The following SYN3 variants were observed in gnomAD, a reference collection of about 807,000 sequenced individuals.
SYN3 encodes synapsin-3.
A neutral mutation model predicts 65.8 loss-of-function variants in SYN3; 35 were observed. The observed-to-expected ratio is 0.53, with a 90% CI of 0.41 to 0.70. The LOEUF is 0.70. Among genes scored for constraint, SYN3 ranks in the 30% least tolerant of loss-of-function variants. The pLI, the probability that SYN3 is intolerant of heterozygous loss-of-function variation, is 0.00. For missense variants in SYN3, 680 were observed against 749.0 expected (o/e 0.91, Z 1.08); for synonymous variants, 270 against 292.9 (o/e 0.92, Z 0.80).
chr22:32,508,365 T>C lies in SYN3; in HGVS notation c.*5327A>G, dbSNP rs1369374993. Among the ~76,000 whole-genome samples, 3 of 152,022 alleles carry C rather than the reference T, an allele frequency of 2.0e-5. No individual in the cohort carries two copies. ...TGTAATTTTCCATTACCTTCCCAAA[T>C]CCTATAAAACGGCCCCATCCCTACT... On this transcript the variant is annotated 3_prime_UTR_variant, in exon 14 of 14. Coordinates refer to ENST00000358763, the MANE Select transcript of SYN3 (RefSeq NM_003490.4).
At chr22:32,977,192 C>G (rs2052221181) in intron 3 of SYN3, among the ~76,000 whole-genome samples, 1 of 152,124 alleles carries the variant, frequency 6.6e-6, no homozygotes, top group Non-Finnish European at 1.5e-5. Flanking sequence ...CTAAATTAGC[C>G]AAGGTTTCTC....
chr22:32,882,950 C>T (rs2049183234), intron 4 of SYN3, among the ~76,000 whole-genome samples: 1 of 152,074 alleles, frequency 6.6e-6, no homozygotes, highest in African/African-American at 2.4e-5. Flanking sequence ...CTGAACTATT[C>T]TCCACCAGGC....
At chr22:32,975,283 G>A (rs1347176333) in intron 3 of SYN3, among the ~76,000 whole-genome samples, 4 of 151,492 alleles carry the variant, frequency 2.6e-5, no homozygotes, top group South Asian at 2.1e-4. Flanking sequence ...GCTGAGGCAC[G>A]AGAATCACTT....
At chr22:33,033,698 T>C (rs1601938756) in intron 1 of SYN3, among the ~76,000 whole-genome samples, 1 of 152,068 alleles carries the variant, frequency 6.6e-6, no homozygotes, top group East Asian at 1.9e-4. Context: ...AAACAGTTTC[T>C]GGGAGAGAGA....
chr22:32,626,351 G>A (rs2059666073), intron 6 of SYN3, among the ~76,000 whole-genome samples: 1 of 152,212 alleles, frequency 6.6e-6, no homozygotes, highest in Non-Finnish European at 1.5e-5. Flanking sequence ...TGTGTGCTGA[G>A]ATGTTAGGGA....
intron 2 of SYN3, among the ~76,000 whole-genome samples, chr22:32,994,404 G>A (rs995510296): frequency 6.6e-6 from 1 of 152,082 alleles, no homozygotes; most frequent in South Asian, 2.1e-4. Flanking sequence ...GTGTTTGAGT[G>A]ATGGAATGAA....
chr22:32,793,230 C>T (rs962272027), intron 6 of SYN3, among the ~76,000 whole-genome samples: 5 of 152,178 alleles, frequency 3.3e-5, no homozygotes, highest in African/African-American at 9.7e-5. Context: ...TGAATTAGAG[C>T]AGCCTGGAGT....
intron 10 of SYN3, among the ~76,000 whole-genome samples, chr22:32,529,866 C>G (rs1233427381): frequency 6.6e-6 from 1 of 152,212 alleles, no homozygotes; most frequent in Non-Finnish European, 1.5e-5. Context: ...TGTTCCCACG[C>G]TCTGGACATA....
At chr22:32,990,061 A>G (rs1348522512) in intron 2 of SYN3, among the ~76,000 whole-genome samples, 1 of 152,128 alleles carries the variant, frequency 6.6e-6, no homozygotes, top group Non-Finnish European at 1.5e-5. Flanking sequence ...AAGGTAATAT[A>G]CTAAAAAGTA....
chr22:32,888,985 C>T (rs2049368807), intron 4 of SYN3, among the ~76,000 whole-genome samples: 1 of 152,210 alleles, frequency 6.6e-6, no homozygotes, highest in Non-Finnish European at 1.5e-5. Flanking sequence ...TCTAATCGGT[C>T]TCATCACTGG....
chr22:32,790,437 T>A lies in SYN3; in HGVS notation c.711+74478A>T, dbSNP rs147067522. ...TTATTTATTTATTTATTTATTTATT[T>A]ATTATTGAGACGGAGTCTCGCTTTG... On this transcript the variant is annotated intron_variant, in intron 6 of 13. Coordinates refer to ENST00000358763, the MANE Select transcript of SYN3 (RefSeq NM_003490.4). Among the ~76,000 whole-genome samples, 1,269 of 147,342 alleles carry A rather than the reference T, an allele frequency of 8.6e-3. 19 individuals carry two copies. Among genetic ancestry groups the A allele is most frequent in the African/African-American group, 0.03 (1,200 of 39,706 alleles).
At chr22:32,579,625 G>C (rs2058906631) in intron 7 of SYN3, among the ~76,000 whole-genome samples, 1 of 152,176 alleles carries the variant, frequency 6.6e-6, no homozygotes, top group African/African-American at 2.4e-5. Flanking sequence ...CAAGCCATTA[G>C]TCTCAAATTC....
Position 32,508,401 on chromosome 22 carries a change from ACT to A in SYN3, c.*5289_*5290del, listed in dbSNP as rs1333987004. Among the ~76,000 whole-genome samples the A allele has an allele frequency of 6.6e-6, 1 of 151,440 alleles. No homozygotes were observed. The highest frequency in any genetic ancestry group is 2.4e-5 in the African/African-American group (1 of 41,146). The stretch of plus-strand genomic sequence containing the variant: ...GGCCCCATCCCTACTCCCTTTGCTG[ACT>A]CTCTTTTCGGACTCATCCGGCCTGC... On this transcript the variant is annotated 3_prime_UTR_variant, in exon 14 of 14. Coordinates refer to ENST00000358763, the MANE Select transcript of SYN3 (RefSeq NM_003490.4).
At chr22:32,807,949 A>G (rs1197769695) in intron 6 of SYN3, among the ~76,000 whole-genome samples, 1 of 152,272 alleles carries the variant, frequency 6.6e-6, no homozygotes, top group Non-Finnish European at 1.5e-5. Flanking sequence ...AAAACAATTT[A>G]TAATTTTTAT....
chr22:32,644,521 A>G (rs571162889), intron 6 of SYN3, among the ~76,000 whole-genome samples: 126 of 152,286 alleles, frequency 8.3e-4, no homozygotes, highest in Non-Finnish European at 1.1e-3. Flanking sequence ...ACCCTCCCAA[A>G]TAAACGCCTT....
intron 4 of SYN3, 178 bp downstream of exon 4, chr22:32,931,212 C>G (rs574280023): frequency 1.8e-6 from 1 of 560,102 alleles, no homozygotes; most frequent in African/African-American, 1.9e-5. Context: ...AGGTGCTGCA[C>G]GTATGATATG....
intron 4 of SYN3, among the ~76,000 whole-genome samples, chr22:32,885,750 G>A (rs1009961686): frequency 1.3e-5 from 2 of 152,074 alleles, no homozygotes; most frequent in Non-Finnish European, 2.9e-5. Flanking sequence ...TAGTAGAGAT[G>A]GGGTTTCACC....
chr22:32,627,097 C>T (rs1021106389), intron 6 of SYN3, among the ~76,000 whole-genome samples: 1 of 151,994 alleles, frequency 6.6e-6, no homozygotes, highest in Non-Finnish European at 1.5e-5. Context: ...GCGGTTCCTC[C>T]TTCCCTCCCA....
At chr22:32,877,511 G>A (rs192000110) in intron 4 of SYN3, among the ~76,000 whole-genome samples, 4 of 152,108 alleles carry the variant, frequency 2.6e-5, no homozygotes, top group Admixed American at 2.6e-4. Context: ...TGCCTTGTAG[G>A]ATATTAGGAG....
Sources: allele counts gnomAD v4.1 joint callset (sites outside exome capture counted in the v4.1 genomes callset), GRCh38; gene constraint gnomAD v4.1.1; transcripts MANE v1.5; gene names NCBI Gene and HGNC (gene_info 2026-07-23, HGNC 2026-07-21).